The following CDC123 variants were observed in gnomAD, a reference collection of about 807,000 sequenced individuals.
The protein encoded by CDC123 is translation initiation factor eIF2 assembly protein.
In CDC123, 37 loss-of-function variants were observed where a neutral mutation model predicts 54.4. The observed-to-expected ratio is 0.68, with a 90% CI of 0.52 to 0.89. The LOEUF is 0.89. Ranked by LOEUF, CDC123 falls within the 40% of genes least tolerant of loss-of-function variation. The probability of loss-of-function intolerance (pLI) is 0.00; values close to 1 mark genes in which losing one functional copy is unlikely to be tolerated. For synonymous variants in CDC123, 144 were observed against 136.8 expected, an observed-to-expected ratio of 1.05 and a Z score of -0.37; for missense variants, 361 against 412.1, an observed-to-expected ratio of 0.88 and a Z score of 1.07.
intron 11 of CDC123, among the ~76,000 whole-genome samples, chr10:12,249,083 C>G (rs758798742): frequency 6.7e-6 from 1 of 149,414 alleles, no homozygotes; most frequent in South Asian, 2.1e-4. Flanking sequence ...CAACAGAGAT[C>G]GTGCCCCTGC....
rs548950139 is a variant in CDC123, at chr10:12,246,137, T to C, written c.718-12T>C. ...GATGTTTGTTTTTGTTTTTTCTCTC[T>C]CTGTGCTACAGGGGAAGGTGTGGCT... On this transcript the variant is annotated splice_polypyrimidine_tract_variant and intron_variant, in intron 10 of 12. Coordinates refer to ENST00000281141, the MANE Select transcript of CDC123 (RefSeq NM_006023.3). The C allele has an allele frequency of 5.6e-6, 9 of 1,608,490 alleles. No homozygotes were observed. The East Asian group carries it at 1.6e-4, about 28-fold the overall frequency.
intron 4 of CDC123, among the ~76,000 whole-genome samples, chr10:12,212,063 G>A (rs1468454613): frequency 1.3e-5 from 2 of 152,118 alleles, no homozygotes; most frequent in Non-Finnish European, 2.9e-5. Context: ...ACTCCAGCCT[G>A]GGTGACAGAG....
rs543337462 is a variant in CDC123 at position 12,200,120 on chromosome 10, A to ATTTTTTTTTTTTTTTTTT, written c.146+1350_146+1367dup. Among the ~76,000 whole-genome samples the ATTTTTTTTTTTTTTTTTT allele has an allele frequency of 5.7e-4, 34 of 59,368 alleles. 5 individuals are homozygous for ATTTTTTTTTTTTTTTTTT. The highest frequency in any genetic ancestry group is 3.2e-3 in the East Asian group (4 of 1,258). 38.9% of individuals were successfully genotyped at this position (59,368 alleles called of 152,430 possible). On this transcript the variant is annotated intron_variant, in intron 2 of 12. Transcript: ENST00000281141. ...ATAGGCCTGAGCCACCGCACTCGGC[A>ATTTTTTTTTTTTTTTTTT]TTTTTTTTTTTTTTTTTTTTTTTAA...
chr10:12,220,329 G>C (rs957694680), intron 6 of CDC123, among the ~76,000 whole-genome samples: 11 of 152,186 alleles, frequency 7.2e-5, no homozygotes, highest in African/African-American at 2.4e-4. Context: ...ATGTTCCAGT[G>C]GATGGTATGA....
chr10:12,200,120 ATTTTTTTTTTTTTTT>A (rs543337462), intron 2 of CDC123, among the ~76,000 whole-genome samples: 1 of 59,356 alleles, frequency 1.7e-5, no homozygotes. Flanking sequence ...CGCACTCGGC[ATTTTTTTTTTTTTTT>A]TTTTTTTTAA....
chr10:12,230,876 A>AT, intron 6 of CDC123, 72 bp from the exon 7 acceptor site: 1 of 1,365,876 alleles, frequency 7.3e-7, no homozygotes, highest in Non-Finnish European at 1.0e-6. Flanking sequence ...CATGTTAAAT[A>AT]TATGTTAAGT....
intron 2 of CDC123, among the ~76,000 whole-genome samples, chr10:12,204,348 A>T (rs7897493): frequency 6.6e-6 from 1 of 152,116 alleles, no homozygotes; most frequent in Non-Finnish European, 1.5e-5. Context: ...ATCCCTAATT[A>T]GAAAATCTGA....
chr10:12,210,381 G>T lies in CDC123; in HGVS notation c.237+59G>T, dbSNP rs140989496. On this transcript the variant is annotated intron_variant, in intron 4 of 12. Coordinates refer to ENST00000281141, the MANE Select transcript of CDC123 (RefSeq NM_006023.3). Reference sequence around the variant, plus strand: ...CTCACACTGTCACACAAGGGTTAGCGTCAAGGTTTAAGTGCATACCTCTCT... The same window carrying T: ...CTCACACTGTCACACAAGGGTTAGCTTCAAGGTTTAAGTGCATACCTCTCT... 500 of 1,602,776 alleles carry T rather than the reference G, an allele frequency of 3.1e-4. 1 individual carries two copies. Among genetic ancestry groups the T allele is most frequent in the Middle Eastern group, 2.8e-3 (17 of 6,022 alleles).
intron 2 of CDC123, among the ~76,000 whole-genome samples, chr10:12,207,030 A>G (rs1457853607): frequency 6.6e-6 from 1 of 150,402 alleles, no homozygotes; most frequent in Non-Finnish European, 1.5e-5. Flanking sequence ...TTTTTTCTCC[A>G]TTTATTGTGT....
At chr10:12,216,712 G>T (rs1353669210) in intron 5 of CDC123, among the ~76,000 whole-genome samples, 2 of 152,152 alleles carry the variant, frequency 1.3e-5, no homozygotes, top group Admixed American at 1.3e-4. Flanking sequence ...GTTATATCCT[G>T]TGTCTGATCT....
chr10:12,235,815 C>G (rs999648620), intron 8 of CDC123, among the ~76,000 whole-genome samples: 1 of 152,098 alleles, frequency 6.6e-6, no homozygotes, highest in East Asian at 1.9e-4. Flanking sequence ...TCATATTGCT[C>G]GATATTCTTG....
intron 12 of CDC123, chr10:12,250,015 G>C (rs982002773): frequency 1.7e-5 from 8 of 480,826 alleles, no homozygotes; most frequent in African/African-American, 1.6e-4. Flanking sequence ...AAGGAGAGCA[G>C]GTCTCTGCTC....
chr10:12,222,955 G>C (rs1221763074), intron 6 of CDC123, among the ~76,000 whole-genome samples: 4 of 151,812 alleles, frequency 2.6e-5, no homozygotes, highest in African/African-American at 9.7e-5. Context: ...GCAGTGGCGT[G>C]ATCGTGGCTC....
intron 7 of CDC123, among the ~76,000 whole-genome samples, chr10:12,231,222 C>T (rs1336200598): frequency 3.3e-5 from 5 of 152,092 alleles, no homozygotes; most frequent in Admixed American, 1.3e-4. Context: ...ACAGGATATA[C>T]GCAGACACCT....
rs191942039 is a variant in CDC123, at chr10:12,223,512, C to G, written c.440+6045C>G. Reference sequence around the variant, plus strand: ...TGTTGGCCAGGCTGGTCTTGAACTCCTGACCTCAAGTGATCCACCTGCCTC... The same window carrying G: ...TGTTGGCCAGGCTGGTCTTGAACTCGTGACCTCAAGTGATCCACCTGCCTC... On this transcript the variant is annotated intron_variant, in intron 6 of 12. Coordinates refer to ENST00000281141, the MANE Select transcript of CDC123 (RefSeq NM_006023.3). Among the ~76,000 whole-genome samples the G allele has an allele frequency of 4.9e-4, 75 of 152,244 alleles. 1 individual carries two copies. Among genetic ancestry groups the G allele is most frequent in the African/African-American group, 1.6e-3 (68 of 41,556 alleles).
intron 6 of CDC123, 76 bp downstream of exon 6, chr10:12,217,543 T>C: frequency 6.9e-7 from 1 of 1,443,062 alleles, no homozygotes; most frequent in South Asian, 1.3e-5. Context: ...ATTCCATTAC[T>C]TATAGTACTA....
At chr10:12,226,068 G>A (rs1009069919) in intron 6 of CDC123, among the ~76,000 whole-genome samples, 4 of 152,018 alleles carry the variant, frequency 2.6e-5, no homozygotes, top group African/African-American at 7.3e-5. Flanking sequence ...CAGAGAGCAC[G>A]GGGTTGGGGG....
At chr10:12,238,377 A>C in intron 9 of CDC123, 80 bp from the exon 10 acceptor site, 2 of 1,492,232 alleles carry the variant, frequency 1.3e-6, no homozygotes, top group Non-Finnish European at 1.8e-6. Context: ...CTTTGATTAA[A>C]ATGTACTTTA....
intron 2 of CDC123, among the ~76,000 whole-genome samples, chr10:12,199,064 G>A (rs778554704): frequency 6.6e-6 from 1 of 152,174 alleles, no homozygotes. Context: ...GCAGGGTGGG[G>A]GAAGTACATA....
Sources: gnomAD v4.1 joint callset for allele counts (sites outside exome capture counted in the v4.1 genomes callset) on GRCh38, gnomAD v4.1.1 for gene constraint, MANE v1.5 for transcripts, NCBI Gene and HGNC (gene_info 2026-07-23, HGNC 2026-07-21) for gene names.